STAG1: variants seen among roughly 807,000 people sequenced by gnomAD.
STAG1 encodes STAG1 cohesin complex component.
STAG1 carries 26 observed loss-of-function variants against 170.9 expected under a neutral mutation model. That is an observed-to-expected ratio of 0.15 (90% CI 0.11 to 0.21). The LOEUF (loss-of-function observed/expected upper bound fraction) is 0.21. Among genes scored for constraint, STAG1 ranks in the 10% least tolerant of loss-of-function variants. The pLI, the probability that STAG1 is intolerant of heterozygous loss-of-function variation, is 1.00. For missense variants in STAG1, 964 were observed against 1,509.5 expected (o/e 0.64, Z 5.99); for synonymous variants, 514 against 497.7 (o/e 1.03, Z -0.44).
At chr3:136,491,625 G>C (rs2090126718) in intron 9 of STAG1, among the ~76,000 whole-genome samples, 1 of 152,162 alleles carries the variant, frequency 6.6e-6, no homozygotes, top group African/African-American at 2.4e-5. Flanking sequence ...CAAGGATTCA[G>C]TTAGAAAACA....
At chr3:136,567,269 G>GTGCT (rs1553747087) in intron 5 of STAG1, among the ~76,000 whole-genome samples, 1 of 152,138 alleles carries the variant, frequency 6.6e-6, no homozygotes, top group Non-Finnish European at 1.5e-5. Context: ...CACATCATCA[G>GTGCT]TGCTTGCCTC....
In STAG1 at chr3:136,662,824, C is replaced by T. The variant is rs145311006; in HGVS notation, c.-83-31843G>A. Among the ~76,000 whole-genome samples, 160 of 152,254 alleles carry T rather than the reference C, an allele frequency of 1.1e-3. 1 individual carries two copies. The highest frequency in any genetic ancestry group is 3.6e-3 in the African/African-American group (149 of 41,570). ...CCCAGCATTTTGGGGAGCCAACGTG[C>T]GTGGATCACCTGAGGTGAGGAGTTC... On this transcript the variant is annotated intron_variant, in intron 1 of 33. Coordinates refer to ENST00000383202, the MANE Select transcript of STAG1 (RefSeq NM_005862.3).
intron 5 of STAG1, among the ~76,000 whole-genome samples, chr3:136,555,921 A>G (rs1045067555): frequency 1.3e-5 from 2 of 152,142 alleles, no homozygotes; most frequent in Non-Finnish European, 2.9e-5. Context: ...AAATGGAAAG[A>G]ATGAAAGGGG....
intron 1 of STAG1, among the ~76,000 whole-genome samples, chr3:136,651,029 T>C (rs182698011): frequency 7.9e-5 from 12 of 151,988 alleles, no homozygotes; most frequent in Non-Finnish European, 1.3e-4. Context: ...AAGATGACAA[T>C]GGATCGTTCT....
At chr3:136,474,358 C>G (rs1350208857) in intron 10 of STAG1, among the ~76,000 whole-genome samples, 1 of 152,088 alleles carries the variant, frequency 6.6e-6, no homozygotes, top group Non-Finnish European at 1.5e-5. Flanking sequence ...AATTTTAGTT[C>G]CAATTCTATA....
chr3:136,486,906 C>T (rs1348976154), intron 9 of STAG1, among the ~76,000 whole-genome samples: 2 of 145,890 alleles, frequency 1.4e-5, no homozygotes, highest in Admixed American at 7.2e-5. Flanking sequence ...TAATTTCTAA[C>T]GTCTTTGTTG....
intron 9 of STAG1, among the ~76,000 whole-genome samples, chr3:136,479,073 T>TC (rs1416176357): frequency 6.6e-6 from 1 of 150,466 alleles, no homozygotes; most frequent in Non-Finnish European, 1.5e-5. Context: ...TTTTTTTTTT[T>TC]TTTAATTTTT....
chr3:136,346,154 G>A (rs915421275), intron 29 of STAG1, among the ~76,000 whole-genome samples: 1 of 152,130 alleles, frequency 6.6e-6, no homozygotes, highest in Non-Finnish European at 1.5e-5. Context: ...TCCTGTGTTT[G>A]GCACATCAGA....
At chr3:136,689,499 T>C (rs997334212) in intron 1 of STAG1, among the ~76,000 whole-genome samples, 7 of 152,252 alleles carry the variant, frequency 4.6e-5, no homozygotes, top group African/African-American at 1.7e-4. Flanking sequence ...GGATATTTTA[T>C]TGAATTTGGG....
intron 5 of STAG1, among the ~76,000 whole-genome samples, chr3:136,553,974 A>T (rs978320945): frequency 4.6e-5 from 7 of 152,196 alleles, no homozygotes; most frequent in Non-Finnish European, 8.8e-5. Flanking sequence ...AGACTGAATT[A>T]AAAAAATACG....
chr3:136,420,896 G>T (rs1361136117), intron 20 of STAG1, among the ~76,000 whole-genome samples, 197 bp downstream of exon 20: 1 of 152,124 alleles, frequency 6.6e-6, no homozygotes, highest in African/African-American at 2.4e-5. Context: ...TGCTTCTCCT[G>T]CCTCAGCCTC....
intron 22 of STAG1, among the ~76,000 whole-genome samples, chr3:136,382,846 A>T (rs1405894216): frequency 6.6e-6 from 1 of 152,252 alleles, no homozygotes; most frequent in African/African-American, 2.4e-5. Context: ...AATTGTAACT[A>T]TATTCCACTG....
chr3:136,471,630 A>G (rs80288405), intron 12 of STAG1, among the ~76,000 whole-genome samples: 158 of 152,320 alleles, frequency 1.0e-3, no homozygotes, highest in Middle Eastern at 6.8e-3. Context: ...TGACTTTGCT[A>G]GGATATATTC....
At chr3:136,622,780 A>G (rs1205853107) in intron 3 of STAG1, among the ~76,000 whole-genome samples, 1 of 152,196 alleles carries the variant, frequency 6.6e-6, no homozygotes, top group African/African-American at 2.4e-5. Context: ...ATCAATGAGA[A>G]TATACTCTGA....
In STAG1 at chr3:136,565,226, C is replaced by T. The variant is rs557045806; in HGVS notation, c.394+3539G>A. 5.3e-5 allele frequency among the ~76,000 whole-genome samples: 8 copies of T among 152,138 alleles called. No homozygotes were observed. The South Asian group carries it at 1.7e-3, about 32-fold the overall frequency. Reference sequence around the variant, plus strand: ...TGTAAACCTATTGTGCACCAAAAAACATCATTAAGAAAGTTAAAAAGACAA... The same window carrying T: ...TGTAAACCTATTGTGCACCAAAAAATATCATTAAGAAAGTTAAAAAGACAA... On this transcript the variant is annotated intron_variant, in intron 5 of 33. Transcript: ENST00000383202.
At chr3:136,572,746 C>T (rs1253507971) in intron 4 of STAG1, among the ~76,000 whole-genome samples, 2 of 151,410 alleles carry the variant, frequency 1.3e-5, no homozygotes, top group Non-Finnish European at 2.9e-5. Context: ...ACAAAGGAGA[C>T]GTTTCAATTT....
chr3:136,580,227 A>G (rs1046956675), intron 4 of STAG1, among the ~76,000 whole-genome samples: 3 of 152,016 alleles, frequency 2.0e-5, no homozygotes, highest in Non-Finnish European at 4.4e-5. Context: ...TTGGCCTCCC[A>G]AAGTGCTGGG....
chr3:136,586,181 T>C (rs1317250674), intron 4 of STAG1, among the ~76,000 whole-genome samples: 2 of 152,086 alleles, frequency 1.3e-5, no homozygotes, highest in African/African-American at 4.8e-5. Flanking sequence ...TGTAAATACA[T>C]AAAGTCCATT....
rs191010679 is a variant in STAG1, at chr3:136,385,173, G to A, written c.2278-7421C>T. Among the ~76,000 whole-genome samples, 3 of 152,162 alleles carry A rather than the reference G, an allele frequency of 2.0e-5. No individual in the cohort carries two copies. In the East Asian group the frequency reaches 5.8e-4, roughly 29 times the overall value. Reference sequence around the variant, plus strand: ...CATCAAAAGCACTTTTTCTGGCTGGGTGGGGCAATTCACACCTATAATCCC... The same window carrying A: ...CATCAAAAGCACTTTTTCTGGCTGGATGGGGCAATTCACACCTATAATCCC... On this transcript the variant is annotated intron_variant, in intron 22 of 33. Transcript: ENST00000383202.
Sources: gnomAD v4.1 joint callset for allele counts (sites outside exome capture counted in the v4.1 genomes callset) on GRCh38, gnomAD v4.1.1 for gene constraint, MANE v1.5 for transcripts, NCBI Gene and HGNC (gene_info 2026-07-23, HGNC 2026-07-21) for gene names.